SMYD3: variants seen among roughly 807,000 people sequenced by gnomAD.
SMYD3 encodes the protein histone-lysine N-methyltransferase SMYD3.
In SMYD3, 36 loss-of-function variants were observed where a neutral mutation model predicts 57.7. That is an observed-to-expected ratio of 0.62 (90% CI 0.48 to 0.82). The LOEUF (loss-of-function observed/expected upper bound fraction) is 0.82, where lower values mean the gene tolerates loss of function less well. Ranked by LOEUF, SMYD3 falls within the 40% of genes least tolerant of loss-of-function variation. The probability of loss-of-function intolerance (pLI) is 0.00; values close to 1 mark genes in which losing one functional copy is unlikely to be tolerated. For synonymous variants in SMYD3, 211 were observed against 195.0 expected (o/e 1.08, Z -0.68); for missense variants, 515 against 538.8 (o/e 0.96, Z 0.44).
intron 2 of SMYD3, among the ~76,000 whole-genome samples, chr1:246,344,093 G>A (rs2065672917): frequency 1.3e-5 from 2 of 152,032 alleles, no homozygotes; most frequent in African/African-American, 4.8e-5. Context: ...ATATTGTCCA[G>A]GCTGGTCTCT....
In SMYD3 at chr1:246,327,336, A is replaced by G; in HGVS notation, c.396T>C (p.Asn132=). Residue 132 remains asparagine, a splice_region_variant and synonymous_variant, in exon 5 of 12, where the codon AAT becomes AAC. Transcript: ENST00000490107. ...TCTTATCTTCAGTCAGTTTGTTAAT[A>G]TCTTTTTTAAAGAGAAAATAAATAG... ...KLYSFYDLES[N]INKLTEDKKE... is the part of the protein sequence containing the mutation. 1 of 1,608,090 alleles carries G rather than the reference A, an allele frequency of 6.2e-7. No individual in the cohort carries two copies. The highest frequency in any genetic ancestry group is 1.1e-5 in the South Asian group (1 of 89,816).
intron 5 of SMYD3, among the ~76,000 whole-genome samples, chr1:246,286,641 C>G (rs1023802401): frequency 1.3e-5 from 2 of 152,116 alleles, no homozygotes; most frequent in South Asian, 2.1e-4. Flanking sequence ...TACAGAGACA[C>G]TGTTTTTGTT....
At chr1:245,773,105 A>AG (rs1274822846) in intron 10 of SMYD3, among the ~76,000 whole-genome samples, 1 of 151,890 alleles carries the variant, frequency 6.6e-6, no homozygotes, top group Non-Finnish European at 1.5e-5. Flanking sequence ...AAAAAAAAAA[A>AG]AAAAAGCATG....
chr1:246,184,095 A>G (rs12061187), intron 5 of SMYD3, among the ~76,000 whole-genome samples: 78 of 152,306 alleles, frequency 5.1e-4, no homozygotes, highest in African/African-American at 1.8e-3. Flanking sequence ...ATCAGGTTGT[A>G]TTTTTCCCTA....
chr1:245,851,419 C>T (rs563214278), intron 10 of SMYD3, among the ~76,000 whole-genome samples: 1 of 152,276 alleles, frequency 6.6e-6, no homozygotes, highest in South Asian at 2.1e-4. Flanking sequence ...ATCCAGGAGG[C>T]CATGCAGTAA....
chr1:246,186,950 G>A, intron 5 of SMYD3: 2 of 984,440 alleles, frequency 2.0e-6, no homozygotes, highest in Non-Finnish European at 2.4e-6. Flanking sequence ...TGACTGAAGA[G>A]ATGAAATGTA....
intron 5 of SMYD3, among the ~76,000 whole-genome samples, chr1:246,249,519 TG>T (rs1251533796): frequency 0.013 from 1,290 of 97,264 alleles, 8 homozygotes; most frequent in African/African-American, 0.031. Flanking sequence ...CCTAGTTTTT[TG>T]TTTTTTTTGT....
At chr1:246,353,732 C>G (rs1184937298) in intron 2 of SMYD3, among the ~76,000 whole-genome samples, 1 of 152,096 alleles carries the variant, frequency 6.6e-6, no homozygotes, top group Non-Finnish European at 1.5e-5. Flanking sequence ...TCCTCATTGT[C>G]CTTATTAATA....
intron 1 of SMYD3, among the ~76,000 whole-genome samples, chr1:246,444,121 C>G (rs1033979931): frequency 8.2e-6 from 1 of 121,948 alleles, no homozygotes; most frequent in African/African-American, 3.0e-5. Flanking sequence ...CACCCAGAAC[C>G]TAAGAATTTT....
intron 1 of SMYD3, among the ~76,000 whole-genome samples, chr1:246,368,195 T>C (rs12095864): frequency 0.055 from 8,400 of 152,268 alleles, 329 homozygotes; most frequent in African/African-American, 0.089. Context: ...GGAACAACCA[T>C]CTCTAAGAAA....
intron 5 of SMYD3, among the ~76,000 whole-genome samples, chr1:246,119,871 T>A (rs754124244): frequency 6.6e-6 from 1 of 152,188 alleles, no homozygotes; most frequent in Non-Finnish European, 1.5e-5. Flanking sequence ...TTTCTTTTCT[T>A]ACCCATCAGT....
chr1:246,186,452 T>C (rs767035156), intron 5 of SMYD3, among the ~76,000 whole-genome samples: 8 of 152,196 alleles, frequency 5.3e-5, no homozygotes, highest in Non-Finnish European at 1.2e-4. Context: ...GACCTGATGG[T>C]TGAGTAGACA....
intron 5 of SMYD3, among the ~76,000 whole-genome samples, chr1:245,942,079 A>T (rs900603068): frequency 6.6e-6 from 1 of 152,262 alleles, no homozygotes; most frequent in Non-Finnish European, 1.5e-5. Flanking sequence ...ACAAGTCTGC[A>T]AAATAACCAG....
At chr1:245,995,710 C>A (rs34491938) in intron 5 of SMYD3, among the ~76,000 whole-genome samples, 5 of 152,220 alleles carry the variant, frequency 3.3e-5, no homozygotes, top group Non-Finnish European at 5.9e-5. Flanking sequence ...GAGCAGGGGC[C>A]TAGGCCCCAG....
At chr1:246,003,580 C>T (rs2059117988) in intron 5 of SMYD3, among the ~76,000 whole-genome samples, 1 of 152,142 alleles carries the variant, frequency 6.6e-6, no homozygotes, top group South Asian at 2.1e-4. Flanking sequence ...CCATTTTGAA[C>T]GGCTCAGCTA....
rs574143545 is a variant in SMYD3 at position 246,093,511 on chromosome 1, C to T, written c.532-163574G>A. Among the ~76,000 whole-genome samples the T allele has an allele frequency of 1.2e-4, 19 of 152,140 alleles. No homozygotes were observed. The East Asian group carries it at 2.7e-3, about 22-fold the overall frequency. On this transcript the variant is annotated intron_variant, in intron 5 of 11. Transcript: ENST00000490107. ...GGACATTATGTTAAGTGAAATAATCCAGGCACAGAAAGGCAAATATGTTAT... is the reference window on the plus strand; with the variant it reads ...GGACATTATGTTAAGTGAAATAATCTAGGCACAGAAAGGCAAATATGTTAT...
intron 5 of SMYD3, among the ~76,000 whole-genome samples, chr1:246,296,458 C>T (rs911904457): frequency 6.6e-6 from 1 of 152,158 alleles, no homozygotes; most frequent in African/African-American, 2.4e-5. Flanking sequence ...ACATTCATGA[C>T]AGAAGAAACT....
intron 5 of SMYD3, among the ~76,000 whole-genome samples, chr1:246,002,773 G>A (rs1046010070): frequency 6.6e-6 from 1 of 151,956 alleles, no homozygotes; most frequent in South Asian, 2.1e-4. Context: ...CTTTAGAGAC[G>A]GGGTCCTGCT....
intron 5 of SMYD3, among the ~76,000 whole-genome samples, chr1:246,170,791 C>T (rs2062316354): frequency 1.3e-5 from 2 of 152,170 alleles, no homozygotes; most frequent in African/African-American, 4.8e-5. Context: ...CGTTATAATG[C>T]TCAGTCTTAT....
Sources: allele counts gnomAD v4.1 joint callset (sites outside exome capture counted in the v4.1 genomes callset), GRCh38; gene constraint gnomAD v4.1.1; transcripts MANE v1.5; gene names NCBI Gene and HGNC (gene_info 2026-07-23, HGNC 2026-07-21).